The following SORBS2 variants were observed in gnomAD, a reference collection of about 807,000 sequenced individuals.
SORBS2 encodes the protein sorbin and SH3 domain-containing protein 2.
A neutral mutation model predicts 97.7 loss-of-function variants in SORBS2; 46 were observed. That is an observed-to-expected ratio of 0.47 (90% CI 0.37 to 0.60). The LOEUF (loss-of-function observed/expected upper bound fraction) is 0.60, where lower values mean the gene tolerates loss of function less well. SORBS2 is among the 20% of genes least tolerant of loss of function. SORBS2 has a pLI of 0.00. For missense variants in SORBS2, 1,316 were observed against 1,282.3 expected (o/e 1.03, Z -0.40); for synonymous variants, 476 against 473.4 (o/e 1.01, Z -0.07).
chr4:185,624,388 A>G (rs944908884), exon 7 of SORBS2: 4 of 1,614,188 alleles, frequency 2.5e-6, no homozygotes, highest in Admixed American at 1.7e-5. Flanking sequence ...CCCGAGGGAC[A>G]TCCAAGTGCT....
chr4:185,955,077 G>A (rs1224442309), intron 1 of SORBS2, among the ~76,000 whole-genome samples: 1 of 152,134 alleles, frequency 6.6e-6, no homozygotes, highest in Non-Finnish European at 1.5e-5. Flanking sequence ...TGACTTATAA[G>A]AGCTTCCACA....
exon 8 of SORBS2, chr4:185,620,133 C>G: frequency 6.2e-7 from 1 of 1,610,532 alleles, no homozygotes; most frequent in Non-Finnish European, 8.5e-7. Flanking sequence ...GGATGAGTAA[C>G]TTCTAGGGGA....
At chr4:185,930,237 T>C (rs559617960) in intron 1 of SORBS2, among the ~76,000 whole-genome samples, 2 of 152,304 alleles carry the variant, frequency 1.3e-5, no homozygotes, top group Admixed American at 6.5e-5. Context: ...TATTACTTTA[T>C]GTTAGTGAAT....
chr4:185,661,327 T>C (rs887434220), upstream of SORBS2, among the ~76,000 whole-genome samples: 1 of 151,620 alleles, frequency 6.6e-6, no homozygotes, highest in African/African-American at 2.4e-5. Flanking sequence ...TATCTGAACA[T>C]ACTTGACCAT....
At chr4:185,784,410 G>C (rs973792359) in intron 1 of SORBS2, among the ~76,000 whole-genome samples, 1 of 152,178 alleles carries the variant, frequency 6.6e-6, no homozygotes, top group African/African-American at 2.4e-5. Context: ...GATTACAAGC[G>C]TGAGCCACCG....
At chr4:185,779,842 C>A (rs2099018659) in intron 1 of SORBS2, among the ~76,000 whole-genome samples, 1 of 152,114 alleles carries the variant, frequency 6.6e-6, no homozygotes, top group Non-Finnish European at 1.5e-5. Context: ...GGCAGCAAGA[C>A]CATCTGAAAC....
intron 12 of SORBS2, among the ~76,000 whole-genome samples, chr4:185,600,281 C>T (rs2096229458): frequency 1.3e-5 from 2 of 152,172 alleles, no homozygotes; most frequent in African/African-American, 4.8e-5. Flanking sequence ...AAAAGGTTCA[C>T]AGAGGAAAGC....
chr4:185,936,845 A>AGCACAGCATGCACGGCACG (rs1554054800), intron 1 of SORBS2, among the ~76,000 whole-genome samples: 1 of 152,206 alleles, frequency 6.6e-6, no homozygotes, highest in Admixed American at 6.5e-5. Flanking sequence ...CACTACCAAC[A>AGCACAGCATGCACGGCACG]GCACAGCATG....
chr4:185,684,523 T>G lies in SORBS2; in HGVS notation c.-197-5701A>C, dbSNP rs548551674. Among the ~76,000 whole-genome samples, 162 of 152,206 alleles carry G rather than the reference T, an allele frequency of 1.1e-3. No individual in the cohort carries two copies. Among genetic ancestry groups the G allele is most frequent in the African/African-American group, 3.8e-3 (156 of 41,542 alleles). On this transcript the variant is annotated intron_variant, in intron 2 of 20. Coordinates refer to the SORBS2 transcript ENST00000284776. This position sits in a 1 kb window ranked among gnomAD's most constrained non-coding sequence, Gnocchi z 4.2. Reference sequence around the variant, plus strand: ...AAAACCCCAAAACCTCTGAGTTATCTTAATGAAATATTATGCTACTTAAGT... The same window carrying G: ...AAAACCCCAAAACCTCTGAGTTATCGTAATGAAATATTATGCTACTTAAGT...
chr4:185,665,523 A>G (rs1363396771), intron 4 of SORBS2, among the ~76,000 whole-genome samples: 1 of 152,260 alleles, frequency 6.6e-6, no homozygotes, highest in Admixed American at 6.5e-5. Context: ...AGTAACTATA[A>G]GTAATTCTAA....
At chr4:185,637,123 G>C (rs1370224551) in intron 4 of SORBS2, among the ~76,000 whole-genome samples, 1 of 152,190 alleles carries the variant, frequency 6.6e-6, no homozygotes, top group African/African-American at 2.4e-5. Context: ...GGTAAACTAG[G>C]TACAGTCATG....
At chr4:185,791,263 C>A (rs1247864191) in intron 1 of SORBS2, among the ~76,000 whole-genome samples, 1 of 152,082 alleles carries the variant, frequency 6.6e-6, no homozygotes, top group Non-Finnish European at 1.5e-5. Flanking sequence ...TTTATGAATA[C>A]ATTAAATGTT....
intron 2 of SORBS2, among the ~76,000 whole-genome samples, chr4:185,712,362 G>A (rs532316092): frequency 1.1e-4 from 16 of 152,236 alleles, no homozygotes; most frequent in African/African-American, 3.1e-4. Flanking sequence ...CCCATCCCCT[G>A]TTCAGCTCCC....
intron 2 of SORBS2, among the ~76,000 whole-genome samples, chr4:185,757,698 G>A (rs928494480): frequency 1.3e-5 from 2 of 152,174 alleles, no homozygotes; most frequent in African/African-American, 4.8e-5. Flanking sequence ...GCAGAGAGAA[G>A]CCTAGGTGGT....
intron 1 of SORBS2, among the ~76,000 whole-genome samples, chr4:185,901,307 G>A (rs540566686): frequency 2.6e-5 from 4 of 152,042 alleles, no homozygotes; most frequent in East Asian, 1.9e-4. Context: ...GGGTTCAAGC[G>A]ATCTCCTGCC....
At chr4:185,591,411 C>T (rs2095931020) in intron 13 of SORBS2, among the ~76,000 whole-genome samples, 1 of 152,154 alleles carries the variant, frequency 6.6e-6, no homozygotes, top group Non-Finnish European at 1.5e-5. Flanking sequence ...GCTAGCATCC[C>T]AGAGTAGTGG....
intron 1 of SORBS2, among the ~76,000 whole-genome samples, chr4:185,854,785 AAGAGAG>A (rs10560938): frequency 6.7e-5 from 10 of 149,494 alleles, no homozygotes; most frequent in Non-Finnish European, 1.0e-4. Flanking sequence ...AGAAATAGAG[AAGAGAG>A]AGAGAGAGAG....
chr4:185,808,409 ACTT>A (rs2153664645), intron 1 of SORBS2, among the ~76,000 whole-genome samples: 1 of 152,296 alleles, frequency 6.6e-6, no homozygotes, highest in Non-Finnish European at 1.5e-5. Flanking sequence ...TGTATTTATA[ACTT>A]CTTAATAAAA....
intron 2 of SORBS2, among the ~76,000 whole-genome samples, chr4:185,686,975 T>C (rs1289163486): frequency 2.6e-5 from 4 of 152,180 alleles, no homozygotes; most frequent in Non-Finnish European, 5.9e-5. Context: ...TTTGATGACA[T>C]CATATTTTGG....
Sources: allele counts gnomAD v4.1 joint callset (sites outside exome capture counted in the v4.1 genomes callset), GRCh38; gene constraint gnomAD v4.1.1; non-coding constraint Gnocchi (gnomAD v3.1); transcripts MANE v1.5; gene names NCBI Gene and HGNC (gene_info 2026-07-23, HGNC 2026-07-21).